Variants in XKR6 observed in about 807,000 individuals in gnomAD.
XKR6 encodes XK-related protein 6.
XKR6 carries 22 observed loss-of-function variants against 56.7 expected under a neutral mutation model. That is an observed-to-expected ratio of 0.39 (90% CI 0.28 to 0.55). The LOEUF is 0.55. Ranked by LOEUF, XKR6 falls within the 20% of genes least tolerant of loss-of-function variation. The pLI is 0.66. For synonymous variants in XKR6, 524 were observed against 387.8 expected (o/e 1.35, Z -4.13); for missense variants, 852 against 889.0 (o/e 0.96, Z 0.53).
chr8:11,070,911 A>C (rs1800098494), intron 1 of XKR6, among the ~76,000 whole-genome samples: 1 of 152,174 alleles, frequency 6.6e-6, no homozygotes, highest in South Asian at 2.1e-4. Flanking sequence ...CCAAGAGTAC[A>C]TGGCAGGTAA....
intron 1 of XKR6, among the ~76,000 whole-genome samples, chr8:11,178,556 A>ATATATATATATATATG (rs1563197815): frequency 2.8e-4 from 36 of 130,780 alleles, no homozygotes; most frequent in African/African-American, 9.5e-4. Flanking sequence ...AAATATATAT[A>ATATATATATATATATG]TATATATATA....
At chr8:11,121,512 G>A (rs548665430) in intron 1 of XKR6, among the ~76,000 whole-genome samples, 95 of 152,240 alleles carry the variant, frequency 6.2e-4, no homozygotes, top group Non-Finnish European at 8.5e-4. Flanking sequence ...TTAGAATGGC[G>A]ATCATTAAAA....
chr8:10,942,798 T>C (rs1306168254), intron 1 of XKR6, among the ~76,000 whole-genome samples: 1 of 152,156 alleles, frequency 6.6e-6, no homozygotes, highest in Non-Finnish European at 1.5e-5. Context: ...CCTTCCCTTA[T>C]CCCATGCCTA....
chr8:10,961,788 C>T (rs985054670), intron 1 of XKR6, among the ~76,000 whole-genome samples: 1 of 152,196 alleles, frequency 6.6e-6, no homozygotes, highest in Non-Finnish European at 1.5e-5. Context: ...CACAGTTGTC[C>T]AGTTCTTATG....
At chr8:11,003,801 A>G (rs1798300549) in intron 1 of XKR6, among the ~76,000 whole-genome samples, 1 of 152,238 alleles carries the variant, frequency 6.6e-6, no homozygotes, top group African/African-American at 2.4e-5. Flanking sequence ...TCTAACAGGC[A>G]TATGTATGGA....
rs960478684 is a variant in XKR6, at chr8:11,200,049, G to C, written c.764+527C>G. Among the ~76,000 whole-genome samples, 1 of 152,218 alleles carries C rather than the reference G, an allele frequency of 6.6e-6. No individual in the cohort carries two copies. The highest frequency in any genetic ancestry group is 2.4e-5 in the African/African-American group (1 of 41,456). The stretch of plus-strand genomic sequence containing the variant: ...TTCACAGGGGCTGGGAGTGCAGGAG[G>C]GGGAAGGGGCGTGGAATCCAGGAGT... On this transcript the variant is annotated intron_variant, in intron 1 of 2. Transcript: ENST00000416569. The surrounding 1 kb of genome is among the most constrained non-coding windows in gnomAD (Gnocchi z 6.4).
intron 1 of XKR6, among the ~76,000 whole-genome samples, chr8:10,936,302 G>A (rs1205152328): frequency 1.2e-4 from 17 of 146,166 alleles, no homozygotes; most frequent in South Asian, 2.3e-4. Flanking sequence ...GTCTCTGCAC[G>A]TGAGATGGGT....
At chr8:11,110,264 C>A (rs143566178) in intron 1 of XKR6, among the ~76,000 whole-genome samples, 303 of 152,264 alleles carry the variant, frequency 2.0e-3, no homozygotes, top group African/African-American at 6.8e-3. Context: ...TGAGCCACTG[C>A]GCCTGGCCTT....
intron 1 of XKR6, among the ~76,000 whole-genome samples, chr8:10,969,035 G>C (rs2129133307): frequency 6.6e-6 from 1 of 152,340 alleles, no homozygotes; most frequent in South Asian, 2.1e-4. Context: ...ATTTCCTTAG[G>C]AAACTGGAGC....
chr8:10,969,238 T>A (rs199835798), intron 1 of XKR6, among the ~76,000 whole-genome samples: 1 of 152,164 alleles, frequency 6.6e-6, no homozygotes, highest in African/African-American at 2.4e-5. Flanking sequence ...CCAACTTAGA[T>A]GCATGGTTCC....
In XKR6 at chr8:10,924,637, G is replaced by A. The variant is rs1396550022; in HGVS notation, c.958C>T (p.Pro320Ser). 1.2e-6 allele frequency: 2 copies of A among 1,600,630 alleles called. No individual in the cohort carries two copies. The highest frequency in any genetic ancestry group is 1.3e-5 in the African/African-American group (1 of 74,606). ...GGCGCGGCCGGCGGGCACTCACAGG[G>A]CAGGGTCTCGGCGCTGTTCTTCTGG... ...MLQKNSAETLPCVSSVTSLMS... is the reference protein window; with the variant it reads ...MLQKNSAETLSCVSSVTSLMS... The change falls in exon 2 of 3, where the codon CCC becomes TCC. Residue 320 changes from proline (P) to serine (S), a missense_variant. Pro to Ser is a moderately conservative substitution (Grantham distance 74). Transcript: ENST00000416569.
At chr8:11,121,283 C>A (rs1224456969) in intron 1 of XKR6, among the ~76,000 whole-genome samples, 8 of 152,022 alleles carry the variant, frequency 5.3e-5, no homozygotes, top group African/African-American at 1.7e-4. Context: ...TTTGCAACCT[C>A]CTCATCTGAC....
intron 2 of XKR6, among the ~76,000 whole-genome samples, chr8:10,918,888 C>T (rs990102867): frequency 3.9e-5 from 6 of 152,178 alleles, no homozygotes; most frequent in Non-Finnish European, 4.4e-5. Flanking sequence ...TGCATCCTTC[C>T]CCAAAGACTC....
chr8:11,130,030 G>C (rs947941840), intron 1 of XKR6, among the ~76,000 whole-genome samples: 2 of 152,052 alleles, frequency 1.3e-5, no homozygotes, highest in African/African-American at 4.8e-5. Flanking sequence ...TGACAATAAA[G>C]CGCTGAAATT....
chr8:11,096,821 A>G (rs1338236776), intron 1 of XKR6, among the ~76,000 whole-genome samples: 1 of 152,210 alleles, frequency 6.6e-6, no homozygotes, highest in African/African-American at 2.4e-5. Context: ...GCTGTTTTTC[A>G]ACAAATACCA....
chr8:11,002,769 G>A (rs142625969), intron 1 of XKR6, among the ~76,000 whole-genome samples: 19 of 152,346 alleles, frequency 1.2e-4, no homozygotes, highest in African/African-American at 4.3e-4. Flanking sequence ...CAGTGCTAAG[G>A]ATGGTACTGC....
chr8:11,183,558 A>G (rs1658720654), intron 1 of XKR6, among the ~76,000 whole-genome samples: 1 of 151,978 alleles, frequency 6.6e-6, no homozygotes, highest in Non-Finnish European at 1.5e-5. Flanking sequence ...CCTGGCCTCA[A>G]GTGATCCTCC....
chr8:11,039,762 C>T (rs1563362667), intron 1 of XKR6, among the ~76,000 whole-genome samples: 1 of 152,194 alleles, frequency 6.6e-6, no homozygotes, highest in Non-Finnish European at 1.5e-5. Context: ...TATGCACCTG[C>T]AAATGAATAA....
intron 2 of XKR6, among the ~76,000 whole-genome samples, chr8:10,912,835 T>C (rs7822194): frequency 6.8e-6 from 1 of 146,426 alleles, no homozygotes. Flanking sequence ...TATATATATA[T>C]AGAGAGAGAA....
Sources: gnomAD v4.1 joint callset for allele counts (sites outside exome capture counted in the v4.1 genomes callset) on GRCh38, gnomAD v4.1.1 for gene constraint, Gnocchi (gnomAD v3.1) non-coding constraint, MANE v1.5 for transcripts, NCBI Gene and HGNC (gene_info 2026-07-23, HGNC 2026-07-21) for gene names.